Variants in EQTN observed in about 807,000 individuals in gnomAD.
The protein encoded by EQTN is Acrosome formation associated factor.
Under a neutral mutation model 26.9 loss-of-function variants are expected in EQTN, and 29 were observed. The observed-to-expected ratio is 1.08, with a 90% CI of 0.80 to 1.47. The LOEUF (loss-of-function observed/expected upper bound fraction) is 1.47. Ranked by LOEUF, EQTN falls within the 40% of genes most tolerant of loss-of-function variation. The pLI, the probability that EQTN is intolerant of heterozygous loss-of-function variation, is 0.00. For synonymous variants in EQTN, 129 were observed against 120.0 expected, an observed-to-expected ratio of 1.07 and a Z score of -0.49; for missense variants, 391 against 346.1, an observed-to-expected ratio of 1.13 and a Z score of -1.03.
intron 3 of EQTN, among the ~76,000 whole-genome samples, chr9:27,293,309 T>C (rs1294643219): frequency 2.6e-5 from 4 of 152,164 alleles, no homozygotes; most frequent in Non-Finnish European, 5.9e-5. Flanking sequence ...AAATTCTGCT[T>C]TGCAACCCTT....
At chr9:27,295,178 A>G (rs1820311169) in intron 2 of EQTN, among the ~76,000 whole-genome samples, 1 of 152,230 alleles carries the variant, frequency 6.6e-6, no homozygotes, top group Non-Finnish European at 1.5e-5. Flanking sequence ...GTTCTCCCAC[A>G]AGATAACAGA....
At chr9:27,296,521 G>T in intron 2 of EQTN, 92 bp downstream of exon 2, 3 of 906,156 alleles carry the variant, frequency 3.3e-6, no homozygotes, top group South Asian at 1.9e-5. Flanking sequence ...AACAAATACA[G>T]GGGGAAATGA....
At chr9:27,286,161 G>A (rs1447327853) in intron 7 of EQTN, 48 bp downstream of exon 7, 1 of 1,573,832 alleles carries the variant, frequency 6.4e-7, no homozygotes, top group East Asian at 2.2e-5. Context: ...GGGAGAGAAT[G>A]CGATGTCATG....
At chr9:27,293,636 C>T (rs1820280852) in intron 3 of EQTN, among the ~76,000 whole-genome samples, 1 of 152,156 alleles carries the variant, frequency 6.6e-6, no homozygotes, top group Non-Finnish European at 1.5e-5. Context: ...TAACTCATAT[C>T]CTAAGGGAAT....
intron 2 of EQTN, 92 bp downstream of exon 2, chr9:27,296,520 AG>A: frequency 3.4e-6 from 3 of 894,368 alleles, no homozygotes; most frequent in Non-Finnish European, 5.0e-6. Flanking sequence ...CAACAAATAC[AG>A]GGGGAAATGA....
intron 7 of EQTN, among the ~76,000 whole-genome samples, chr9:27,285,301 G>A (rs932774749): frequency 3.3e-5 from 5 of 151,788 alleles, no homozygotes; most frequent in African/African-American, 1.2e-4. Flanking sequence ...GCGCCACTAT[G>A]CCCAGCTAAT....
chr9:27,297,077 C>A lies in EQTN; in HGVS notation c.-22G>T. 3 of 1,560,718 alleles carry A rather than the reference C, an allele frequency of 1.9e-6. No individual in the cohort carries two copies. The highest frequency in any genetic ancestry group is 2.6e-6 in the Non-Finnish European group (3 of 1,136,840). ...TCATTGGGAAATTGAAGTGATTTAT[C>A]CAGTAATCTAGTGCGTCTACCCAGA... On this transcript the variant is annotated 5_prime_UTR_variant, in exon 1 of 8. Coordinates refer to ENST00000380032, the MANE Select transcript of EQTN (RefSeq NM_020641.3).
At position 27,292,478 on chromosome 9, in the gene EQTN, A is replaced by G; in HGVS notation, c.299T>C (p.Val100Ala). ...GGATTTTTCATATGTAGTTGCATTG[A>G]CAGTTTTATCTAGGAAAAGGGAAAA... Reference protein sequence around the residue: ...LNFALKNDKTVNATTYEKSTI... With the variant: ...LNFALKNDKTANATTYEKSTI... Residue 100 changes from valine (V) to alanine (A), a missense_variant, in exon 4 of 8, where the codon GTC (valine) becomes GCC (alanine). Transcript: ENST00000380032. The G allele has an allele frequency of 6.2e-7, 1 of 1,600,172 alleles. No homozygotes were observed.
intron 3 of EQTN, 82 bp downstream of exon 3, chr9:27,294,234 T>C (rs778165583): frequency 5.0e-5 from 45 of 906,994 alleles, no homozygotes; most frequent in Non-Finnish European, 6.0e-5. Context: ...AGACTTCTTT[T>C]CTCCCCAACA....
chr9:27,296,274 C>T (rs1295677252), intron 2 of EQTN, among the ~76,000 whole-genome samples: 1 of 152,182 alleles, frequency 6.6e-6, no homozygotes, highest in Non-Finnish European at 1.5e-5. Context: ...TGCCACTGCA[C>T]TCCAGCCTGG....
rs146151312 is a variant in EQTN, at chr9:27,293,958, G to A, written c.289+358C>T. 3.3e-4 allele frequency among the ~76,000 whole-genome samples: 50 copies of A among 152,246 alleles called. 1 individual carries two copies. The highest frequency in any genetic ancestry group is 8.3e-4 in the South Asian group (4 of 4,810). On this transcript the variant is annotated intron_variant, in intron 3 of 7. Coordinates refer to ENST00000380032, the MANE Select transcript of EQTN (RefSeq NM_020641.3). ...ACAAAAATCAGAAAGGCAAAAAAAC[G>A]TGGGTTTAAGAAAGATGTAAATTTT...
chr9:27,291,499 A>T (rs1820234160), intron 4 of EQTN, among the ~76,000 whole-genome samples: 1 of 152,192 alleles, frequency 6.6e-6, no homozygotes, highest in Admixed American at 6.5e-5. Flanking sequence ...AGGCTCAGTA[A>T]GCTCTGGGAG....
chr9:27,290,931 T>A, intron 5 of EQTN, 88 bp downstream of exon 5: 1 of 1,099,864 alleles, frequency 9.1e-7, no homozygotes, highest in East Asian at 2.4e-5. Context: ...ATTGTCTCAG[T>A]ATTAGAGGTA....
In EQTN at chr9:27,296,613, A is replaced by G. The variant is rs756323020; in HGVS notation, c.202T>C (p.Tyr68His). ...NGNYYKDIKQ[Y>H]VFTTQNPNGT... is the part of the protein sequence containing the mutation. ...ATTTCTATTCACTTTAAAGACTTACATTGTTTTATATCTTTATAATAATTG... is the reference window on the plus strand; with the variant it reads ...ATTTCTATTCACTTTAAAGACTTACGTTGTTTTATATCTTTATAATAATTG... The change falls in exon 2 of 8, where the codon TAT (tyrosine) becomes CAT (histidine). Residue 68 changes from tyrosine to histidine, a missense_variant and splice_region_variant. Coordinates refer to ENST00000380032, the MANE Select transcript of EQTN (RefSeq NM_020641.3). 6 of 1,500,004 alleles carry G rather than the reference A, an allele frequency of 4.0e-6. No individual in the cohort carries two copies. The African/African-American group carries it at 8.3e-5, about 21-fold the overall frequency. The allele number at this position is 1,500,004 out of a possible 1,614,324, so 92.9% of individuals were successfully genotyped here.
rs148577485 is a variant in EQTN at position 27,290,916 on chromosome 9, G to A, written c.421+103C>T. On this transcript the variant is annotated intron_variant, in intron 5 of 7. Transcript: ENST00000380032. Reference sequence around the variant, plus strand: ...CTATTACATGTGGCAACAAAATGTTGACTTATTGTCTCAGTATTAGAGGTA... The same window carrying A: ...CTATTACATGTGGCAACAAAATGTTAACTTATTGTCTCAGTATTAGAGGTA... 1.4e-3 allele frequency: 1,251 copies of A among 893,870 alleles called. 28 individuals carry two copies. In the East Asian group the frequency reaches 0.031, roughly 22 times the overall value. 55.4% of individuals were successfully genotyped at this position (893,870 alleles called of 1,614,324 possible).
chr9:27,294,142 A>G (rs909829304), intron 3 of EQTN, among the ~76,000 whole-genome samples, 174 bp downstream of exon 3: 2 of 152,232 alleles, frequency 1.3e-5, no homozygotes, highest in Non-Finnish European at 2.9e-5. Context: ...TGAGAAAAGC[A>G]GAGAGGATGG....
chr9:27,292,448 A>G lies in EQTN; in HGVS notation c.329T>C (p.Ile110Thr), dbSNP rs12341576. The G allele has an allele frequency of 3.9e-4, 622 of 1,609,410 alleles. 2 individuals are homozygous for G. The African/African-American group carries it at 6.7e-3, about 17-fold the overall frequency. ...VNATTYEKST[I>T]EEETTTSEPS... is the part of the protein sequence containing the mutation. ...TTCGCTAGTAGTTGTTTCTTCTTCAATGGTGGATTTTTCATATGTAGTTGC... is the reference window on the plus strand; with the variant it reads ...TTCGCTAGTAGTTGTTTCTTCTTCAGTGGTGGATTTTTCATATGTAGTTGC... The change falls in exon 4 of 8, where the codon ATT (isoleucine) becomes ACT (threonine). Residue 110 changes from isoleucine (I) to threonine (T), a missense_variant. Transcript: ENST00000380032.
chr9:27,291,154 A>G, intron 4 of EQTN, 91 bp from the exon 5 acceptor site: 2 of 1,200,520 alleles, frequency 1.7e-6, no homozygotes, highest in South Asian at 1.5e-5. Flanking sequence ...TTTGTTAGTC[A>G]TTTAGCAGTT....
In EQTN at chr9:27,291,073, C is replaced by G. The variant is rs760885873; in HGVS notation, c.377-10G>C. The G allele has an allele frequency of 3.7e-6, 6 of 1,603,186 alleles. No homozygotes were observed. Among genetic ancestry groups the G allele is most frequent in the Non-Finnish European group, 5.1e-6 (6 of 1,175,076 alleles). On this transcript the variant is annotated splice_polypyrimidine_tract_variant and intron_variant, in intron 4 of 7. Coordinates refer to ENST00000380032, the MANE Select transcript of EQTN (RefSeq NM_020641.3). ...ACGTTTGGGGTTGATCCTGTTAAAACAAAACAAAACACAACAAGAACAACA... is the reference window on the plus strand; with the variant it reads ...ACGTTTGGGGTTGATCCTGTTAAAAGAAAACAAAACACAACAAGAACAACA...
Sources: gnomAD v4.1 joint callset for allele counts (sites outside exome capture counted in the v4.1 genomes callset) on GRCh38, gnomAD v4.1.1 for gene constraint, MANE v1.5 for transcripts, NCBI Gene and HGNC (gene_info 2026-07-23, HGNC 2026-07-21) for gene names.